DMGDH: variants seen among roughly 807,000 people sequenced by gnomAD.
DMGDH encodes the protein dimethylglycine dehydrogenase, also known as dimethylglycine dehydrogenase, mitochondrial.
Under a neutral mutation model 95.2 loss-of-function variants are expected in DMGDH, and 76 were observed. The ratio of observed to expected loss-of-function variants is 0.80; its 90% confidence interval spans 0.66 to 0.97. The LOEUF (loss-of-function observed/expected upper bound fraction) is 0.97, where lower values mean the gene tolerates loss of function less well. DMGDH is among the 50% of genes least tolerant of loss of function. The pLI, the probability that DMGDH is intolerant of heterozygous loss-of-function variation, is 0.00. For missense variants in DMGDH, 987 were observed against 1,055.0 expected (o/e 0.94, Z 0.89); for synonymous variants, 345 against 377.6 (o/e 0.91, Z 1.00).
At chr5:78,999,497 A>AT in intron 15 of DMGDH, among the ~76,000 whole-genome samples, 1 of 150,596 alleles carries the variant, frequency 6.6e-6, no homozygotes, top group South Asian at 2.1e-4. Context: ...CGCCCGGCTA[A>AT]TTTTTTTGTA....
At chr5:79,061,226 C>CAT (rs1194445585) in intron 2 of DMGDH, among the ~76,000 whole-genome samples, 52 of 96,430 alleles carry the variant, frequency 5.4e-4, no homozygotes, top group Admixed American at 2.3e-3. Context: ...CTCAAACACA[C>CAT]ACACACACAC....
intron 14 of DMGDH, among the ~76,000 whole-genome samples, chr5:79,009,721 G>T (rs182799201): frequency 1.6e-4 from 24 of 152,212 alleles, no homozygotes; most frequent in Non-Finnish European, 4.4e-5. Context: ...CCTGCCCATT[G>T]GCACAATCCC....
intron 7 of DMGDH, among the ~76,000 whole-genome samples, chr5:79,037,352 C>T (rs891971888): frequency 1.3e-5 from 2 of 152,194 alleles, no homozygotes; most frequent in Admixed American, 6.5e-5. Context: ...GATGATTCTG[C>T]TCCTCACCCA....
Position 79,038,399 on chromosome 5 carries a change from G to A in DMGDH, c.1193+3884C>T, listed in dbSNP as rs576015864. 5.3e-5 allele frequency among the ~76,000 whole-genome samples: 8 copies of A among 152,244 alleles called. No individual in the cohort carries two copies. In the East Asian group the frequency reaches 9.6e-4, roughly 18 times the overall value. On this transcript the variant is annotated intron_variant, in intron 7 of 15. Transcript: ENST00000255189. Reference sequence around the variant, plus strand: ...TTTGGGAGGCTGAAGCAAGAGAATTGCTTGAACCCGGGAGGTGGAGGTTGC... The same window carrying A: ...TTTGGGAGGCTGAAGCAAGAGAATTACTTGAACCCGGGAGGTGGAGGTTGC...
intron 14 of DMGDH, chr5:79,021,529 T>G: frequency 2.3e-6 from 3 of 1,283,390 alleles, no homozygotes; most frequent in South Asian, 2.5e-5. Context: ...CGTCTCCCTT[T>G]GTGATGAAAG....
intron 11 of DMGDH, among the ~76,000 whole-genome samples, chr5:79,029,154 A>G (rs1057208757): frequency 1.3e-5 from 2 of 152,156 alleles, no homozygotes; most frequent in African/African-American, 4.8e-5. Context: ...ACCCAGCTAT[A>G]GGGCTGGTTT....
chr5:79,037,307 C>T (rs370616470), intron 7 of DMGDH, among the ~76,000 whole-genome samples: 5 of 152,292 alleles, frequency 3.3e-5, no homozygotes, highest in African/African-American at 1.2e-4. Flanking sequence ...TGACTAACCA[C>T]ATGGTCAAGA....
chr5:79,052,335 G>C (rs529119012), intron 4 of DMGDH, among the ~76,000 whole-genome samples: 2 of 152,072 alleles, frequency 1.3e-5, no homozygotes, highest in African/African-American at 2.4e-5. Flanking sequence ...GAGTTGAGAG[G>C]CATTCACTCT....
intron 14 of DMGDH, 29 bp downstream of exon 14, chr5:79,024,242 T>A: frequency 6.2e-7 from 1 of 1,600,412 alleles, no homozygotes. Context: ...TAAGATTTAC[T>A]TCAAGCACAC....
intron 15 of DMGDH, chr5:79,000,744 T>A: frequency 1.6e-6 from 1 of 627,526 alleles, no homozygotes; most frequent in Non-Finnish European, 3.0e-6. Flanking sequence ...CAATATTCTG[T>A]CATTTTCTCA....
At position 79,029,914 on chromosome 5, in the gene DMGDH, G is replaced by A. The variant is rs769116632; in HGVS notation, c.1804C>T (p.His602Tyr). The change falls in exon 11 of 16, where the codon CAT becomes TAT. Residue 602 changes from histidine (H) to tyrosine (Y), a missense_variant. By Grantham distance (83) the His-to-Tyr change is moderately conservative. Transcript: ENST00000255189. ...TAGGTGTGCACTTACCTAAGATCAT[G>A]AAGTTCTGATCCAGAGCCAGTAATT... is the stretch of plus-strand genomic sequence containing the variant. Reference protein sequence around the residue: ...LLITGSGSELHDLRWIEEEAV... With the variant: ...LLITGSGSELYDLRWIEEEAV... 1.9e-6 allele frequency: 3 copies of A among 1,614,034 alleles called. No homozygotes were observed. The South Asian group carries it at 3.3e-5, about 18-fold the overall frequency.
chr5:79,063,149 C>T (rs1266930874), intron 2 of DMGDH, among the ~76,000 whole-genome samples: 1 of 151,560 alleles, frequency 6.6e-6, no homozygotes, highest in Non-Finnish European at 1.5e-5. Flanking sequence ...AAAGGACCAC[C>T]AAATGCAGGT....
chr5:79,047,923 G>A (rs1754728968), intron 5 of DMGDH, among the ~76,000 whole-genome samples: 1 of 152,098 alleles, frequency 6.6e-6, no homozygotes, highest in South Asian at 2.1e-4. Flanking sequence ...TTCCCAAGGT[G>A]ATTCTTACTC....
intron 15 of DMGDH, chr5:79,000,264 C>G (rs1753431377): frequency 9.3e-6 from 6 of 646,394 alleles, no homozygotes; most frequent in South Asian, 8.2e-5. Flanking sequence ...TGATATTCCT[C>G]ACATTTAAAA....
chr5:79,000,202 A>C (rs1753430213), intron 15 of DMGDH: 2 of 608,760 alleles, frequency 3.3e-6, no homozygotes, highest in Non-Finnish European at 6.5e-6. Flanking sequence ...AGTTATGTTT[A>C]AAGTGATCTG....
At chr5:79,059,619 CTA>C (rs1286326763) in intron 2 of DMGDH, among the ~76,000 whole-genome samples, 1 of 152,144 alleles carries the variant, frequency 6.6e-6, no homozygotes, top group Non-Finnish European at 1.5e-5. Flanking sequence ...GAGAGTTTTT[CTA>C]TGTGATACAT....
rs1196861704 is a variant in DMGDH, at chr5:79,051,314, T to TG, written c.717_718insC (p.Arg240GlnfsTer4). The TG allele has an allele frequency of 2.5e-6, 4 of 1,614,198 alleles. No individual in the cohort carries two copies. The South Asian group carries it at 4.4e-5, about 18-fold the overall frequency. On this transcript the variant is annotated frameshift_variant, in exon 5 of 16. Transcript: ENST00000255189. LOFTEE classifies it high-confidence loss of function. ...GCAGCATTCACAATTCTATTTGCTC[T>TG]CATAGACCCCTGTGGTGTTTCAACG...
chr5:79,032,026 A>C (rs550613650), intron 9 of DMGDH, among the ~76,000 whole-genome samples: 4 of 152,240 alleles, frequency 2.6e-5, no homozygotes, highest in Non-Finnish European at 5.9e-5. Flanking sequence ...GCATAAAAAT[A>C]AGGATAATGT....
intron 14 of DMGDH, among the ~76,000 whole-genome samples, chr5:79,012,096 C>T (rs1009637916): frequency 1.3e-5 from 2 of 152,170 alleles, no homozygotes; most frequent in Non-Finnish European, 2.9e-5. Flanking sequence ...AGGCTAGTCC[C>T]TTCTGCCTAT....
Sources: gnomAD v4.1 joint callset for allele counts (sites outside exome capture counted in the v4.1 genomes callset) on GRCh38, gnomAD v4.1.1 for gene constraint, MANE v1.5 for transcripts, NCBI Gene and HGNC (gene_info 2026-07-23, HGNC 2026-07-21) for gene names.